STAT5B: variants seen among roughly 807,000 people sequenced by gnomAD.
STAT5B encodes signal transducer and activator of transcription 5B.
STAT5B carries 21 observed loss-of-function variants against 107.8 expected under a neutral mutation model. The observed-to-expected ratio is 0.19, with a 90% CI of 0.14 to 0.28. The LOEUF (loss-of-function observed/expected upper bound fraction) is 0.28. Ranked by LOEUF, STAT5B falls within the 10% of genes least tolerant of loss-of-function variation. The pLI, the probability that STAT5B is intolerant of heterozygous loss-of-function variation, is 1.00. For missense variants in STAT5B, 565 were observed against 1,008.2 expected, an observed-to-expected ratio of 0.56 and a Z score of 5.95; for synonymous variants, 325 against 401.7, an observed-to-expected ratio of 0.81 and a Z score of 2.28.
At chr17:42,262,879 T>TAC (rs1466110903) in intron 1 of STAT5B, among the ~76,000 whole-genome samples, 2 of 125,308 alleles carry the variant, frequency 1.6e-5, no homozygotes, top group African/African-American at 3.1e-5. Context: ...TGTGTATATA[T>TAC]ACACATATAT....
At chr17:42,206,878 CTTTT>C (rs78288666) in intron 16 of STAT5B, among the ~76,000 whole-genome samples, 14 of 132,526 alleles carry the variant, frequency 1.1e-4, no homozygotes, top group African/African-American at 3.7e-4. Flanking sequence ...CCCGACCTTC[CTTTT>C]TTTTTTTTTT....
At chr17:42,262,942 A>ATGTGTG (rs755220447) in intron 1 of STAT5B, among the ~76,000 whole-genome samples, 40 of 45,402 alleles carry the variant, frequency 8.8e-4, no homozygotes, top group East Asian at 1.9e-3. Context: ...ATGTATATAT[A>ATGTGTG]TGTGTGTGTG....
chr17:42,238,560 T>G (rs1423127619), intron 1 of STAT5B, among the ~76,000 whole-genome samples: 2 of 150,278 alleles, frequency 1.3e-5, no homozygotes, highest in African/African-American at 4.9e-5. Context: ...GTTTAAGCAA[T>G]TATCTGCCTC....
chr17:42,265,349 ACTG>A (rs2080658890), intron 1 of STAT5B, among the ~76,000 whole-genome samples: 1 of 145,088 alleles, frequency 6.9e-6, no homozygotes, highest in African/African-American at 2.6e-5. Context: ...TCTAAATGAA[ACTG>A]CTAAGTCAAA....
intron 2 of STAT5B, among the ~76,000 whole-genome samples, chr17:42,231,020 T>C (rs560819707): frequency 2.2e-4 from 34 of 152,062 alleles, no homozygotes; most frequent in African/African-American, 8.2e-4. Context: ...AAAACACCAA[T>C]GTCTCCACTG....
chr17:42,223,004 A>C (rs2080243445), intron 5 of STAT5B, among the ~76,000 whole-genome samples: 1 of 152,096 alleles, frequency 6.6e-6, no homozygotes, highest in African/African-American at 2.4e-5. Context: ...TTAAACATGT[A>C]ATTATATAAT....
At chr17:42,245,215 C>CT (rs1438192713) in intron 1 of STAT5B, among the ~76,000 whole-genome samples, 3 of 149,742 alleles carry the variant, frequency 2.0e-5, no homozygotes, top group Non-Finnish European at 4.5e-5. Flanking sequence ...ATAGCTGGGA[C>CT]TACAGGCACG....
intron 1 of STAT5B, among the ~76,000 whole-genome samples, chr17:42,239,007 TG>T (rs1221969517): frequency 1.3e-5 from 2 of 150,018 alleles, no homozygotes; most frequent in Non-Finnish European, 3.0e-5. Context: ...CCCAGCACTC[TG>T]GGAGGCCGAG....
chr17:42,215,339 A>G (rs2080162649), intron 12 of STAT5B, among the ~76,000 whole-genome samples: 1 of 152,148 alleles, frequency 6.6e-6, no homozygotes, highest in African/African-American at 2.4e-5. Flanking sequence ...CAAGGATTCA[A>G]AATAATATTT....
Position 42,219,768 on chromosome 17 carries a change from C to G in STAT5B, c.625G>C (p.Val209Leu), listed in dbSNP as rs757272257. 6.2e-7 allele frequency: 1 copy of G among 1,612,778 alleles called. No homozygotes were observed. The highest frequency in any genetic ancestry group is 8.5e-7 in the Non-Finnish European group (1 of 1,179,604). The part of the protein sequence containing the change: ...SRETALQQKQ[V>L]SLEAWLQREA... The stretch of plus-strand genomic sequence containing the variant: ...CGCTGCAACCAGGCCTCCAGAGACA[C>G]CTGCTTCTGCTGGAGGGCCGTCTCC... Residue 209 changes from valine to leucine, a missense_variant, in exon 6 of 19, where the codon GTG becomes CTG. Around this residue, in one of 11 missense-constraint regions of STAT5B, gnomAD observed 56 missense variants for 104.5 expected, o/e 0.54. Coordinates refer to ENST00000293328, the MANE Select transcript of STAT5B (RefSeq NM_012448.4).
At chr17:42,261,113 G>A (rs567284634) in intron 1 of STAT5B, among the ~76,000 whole-genome samples, 5 of 151,142 alleles carry the variant, frequency 3.3e-5, no homozygotes, top group South Asian at 2.1e-4. Context: ...CTCACCAAGC[G>A]GGCCAGGCTG....
At position 42,199,808 on chromosome 17, in the gene STAT5B, C is replaced by T. The variant is rs2080029634; in HGVS notation, c.*1930G>A. The T allele has an allele frequency of 6.6e-6, 1 of 152,384 alleles. No homozygotes were observed. The highest frequency in any genetic ancestry group is 6.5e-5 in the Admixed American group (1 of 15,270). The allele number at this position is 152,384 out of a possible 1,614,324, so 9.4% of individuals were successfully genotyped here. On this transcript the variant is annotated 3_prime_UTR_variant, in exon 19 of 19. Transcript: ENST00000293328. The stretch of plus-strand genomic sequence containing the variant: ...GCAGGCCCTGGGGTGGGTCCACTCC[C>T]AACCTGAAAGTGTATCAAGTCTGAC...
intron 12 of STAT5B, chr17:42,214,749 TA>T (rs2080156816): frequency 5.2e-6 from 4 of 771,430 alleles, no homozygotes; most frequent in South Asian, 5.9e-5. Context: ...CTTTGCCTAC[TA>T]AAAAAATTTT....
At chr17:42,229,408 C>T (rs1386538423) in intron 2 of STAT5B, among the ~76,000 whole-genome samples, 1 of 151,836 alleles carries the variant, frequency 6.6e-6, no homozygotes, top group East Asian at 2.0e-4. Context: ...CCTCAGCCTC[C>T]CAAAGTGCTG....
At chr17:42,245,138 C>T (rs1412126055) in intron 1 of STAT5B, among the ~76,000 whole-genome samples, 14 of 137,806 alleles carry the variant, frequency 1.0e-4, no homozygotes, top group African/African-American at 1.4e-4. Context: ...AGTGCAGTGG[C>T]GCGATCTCGG....
chr17:42,230,254 G>A (rs1482304466), intron 2 of STAT5B, among the ~76,000 whole-genome samples: 1 of 152,080 alleles, frequency 6.6e-6, no homozygotes, highest in African/African-American at 2.4e-5. Flanking sequence ...AACACGCATT[G>A]CGATTATTCT....
chr17:42,232,197 C>A, intron 1 of STAT5B, 60 bp from the exon 2 acceptor site: 1 of 1,573,306 alleles, frequency 6.4e-7, no homozygotes, highest in Admixed American at 1.8e-5. Flanking sequence ...TTACATCCAC[C>A]AGAGTAAATA....
At chr17:42,266,891 T>C (rs545905422) in intron 1 of STAT5B, among the ~76,000 whole-genome samples, 8 of 152,324 alleles carry the variant, frequency 5.3e-5, no homozygotes, top group African/African-American at 1.9e-4. Context: ...AATTAGTATT[T>C]TTACTTGATA....
intron 1 of STAT5B, among the ~76,000 whole-genome samples, chr17:42,251,009 G>C (rs1413846587): frequency 1.3e-5 from 2 of 150,302 alleles, no homozygotes; most frequent in Non-Finnish European, 3.0e-5. Flanking sequence ...TATAACACGA[G>C]CCACAAAATG....
Sources: allele counts gnomAD v4.1 joint callset (sites outside exome capture counted in the v4.1 genomes callset), GRCh38; gene constraint gnomAD v4.1.1; regional missense constraint gnomAD v4.1.1; transcripts MANE v1.5; gene names NCBI Gene and HGNC (gene_info 2026-07-23, HGNC 2026-07-21).